Variants in REEP1 observed in about 807,000 individuals in gnomAD.
REEP1 encodes receptor accessory protein 1, also known as receptor expression-enhancing protein 1.
REEP1 carries 22 observed loss-of-function variants against 40.3 expected under a neutral mutation model. The observed-to-expected ratio is 0.55, with a 90% CI of 0.39 to 0.78. The LOEUF (loss-of-function observed/expected upper bound fraction) is 0.78, where lower values mean the gene tolerates loss of function less well. REEP1 is among the 30% of genes least tolerant of loss of function. REEP1 has a pLI of 0.00. For synonymous variants in REEP1, 116 were observed against 139.2 expected (o/e 0.83, Z 1.17); for missense variants, 280 against 361.1 (o/e 0.78, Z 1.82).
At chr2:86,309,679 TC>T (rs1252170310) in intron 1 of REEP1, among the ~76,000 whole-genome samples, 7 of 152,280 alleles carry the variant, frequency 4.6e-5, no homozygotes, top group African/African-American at 1.7e-4. Flanking sequence ...TTTGGCTGTG[TC>T]CTCACATGGT....
At chr2:86,305,651 C>T (rs1225798528) in intron 1 of REEP1, among the ~76,000 whole-genome samples, 1 of 152,100 alleles carries the variant, frequency 6.6e-6, no homozygotes, top group Non-Finnish European at 1.5e-5. Context: ...GCCCCTGGTC[C>T]CCCACTGAAG....
chr2:86,318,911 T>C (rs1680154826), intron 1 of REEP1, among the ~76,000 whole-genome samples: 1 of 152,210 alleles, frequency 6.6e-6, no homozygotes. Context: ...TTTCAACTTT[T>C]ATACAGGTTT....
chr2:86,266,400 A>G (rs922072316), intron 2 of REEP1, among the ~76,000 whole-genome samples: 2 of 151,500 alleles, frequency 1.3e-5, no homozygotes, highest in Non-Finnish European at 2.9e-5. Context: ...CGGGTGGATC[A>G]TGAGGTCAGG....
At chr2:86,251,615 G>A (rs1676277729) in intron 5 of REEP1, 9 of 362,420 alleles carry the variant, frequency 2.5e-5, no homozygotes, top group South Asian at 2.1e-4. Flanking sequence ...GCCCTCTTCT[G>A]TTTCTCCCAG....
chr2:86,310,513 T>C (rs1679710133), intron 1 of REEP1, among the ~76,000 whole-genome samples: 1 of 152,132 alleles, frequency 6.6e-6, no homozygotes, highest in Non-Finnish European at 1.5e-5. Flanking sequence ...AATCATCTAG[T>C]GACACAGTTC....
intron 5 of REEP1, among the ~76,000 whole-genome samples, chr2:86,235,889 C>G (rs1427997954): frequency 6.6e-6 from 1 of 152,140 alleles, no homozygotes; most frequent in Non-Finnish European, 1.5e-5. Flanking sequence ...AACAAATTAG[C>G]CCTTGCCCAT....
rs1676308997 is a variant in REEP1, at chr2:86,252,013, A to G, written c.361T>C (p.Phe121Leu). ...KDRSYDALVH[F>L]GKRGLNVAAT... Reference sequence around the variant, plus strand: ...GCCACGTTCAAGCCCCGCTTCCCGAAGTGCACAAGGGCATCGTAACTTCGG... The same window carrying G: ...GCCACGTTCAAGCCCCGCTTCCCGAGGTGCACAAGGGCATCGTAACTTCGG... The change falls in exon 5 of 9, where the codon TTC (phenylalanine) becomes CTC (leucine). Residue 121 changes from phenylalanine to leucine, a missense_variant. Physicochemically the swap from Phe to Leu is conservative, Grantham distance 22 (BLOSUM62 0). Coordinates refer to ENST00000538924, the MANE Select transcript of REEP1 (RefSeq NM_001371279.1). 9.3e-6 allele frequency: 15 copies of G among 1,614,032 alleles called. No individual in the cohort carries two copies. The highest frequency in any genetic ancestry group is 1.7e-5 in the Admixed American group (1 of 59,994).
At chr2:86,335,815 C>T (rs1256421120) in intron 1 of REEP1, among the ~76,000 whole-genome samples, 1 of 144,120 alleles carries the variant, frequency 6.9e-6, no homozygotes, top group South Asian at 2.3e-4. Context: ...TGCCACTGCA[C>T]TCTCCAGCCT....
chr2:86,232,859 G>C (rs914508817), intron 5 of REEP1, 57 bp from the exon 6 acceptor site: 14 of 1,540,198 alleles, frequency 9.1e-6, no homozygotes, highest in Non-Finnish European at 1.1e-5. Flanking sequence ...GGTCACACTC[G>C]ACAAAGGCCA....
intron 5 of REEP1, among the ~76,000 whole-genome samples, chr2:86,244,575 A>G (rs2104157429): frequency 6.6e-6 from 1 of 152,298 alleles, no homozygotes; most frequent in African/African-American, 2.4e-5. Flanking sequence ...CAGACCAGTA[A>G]AGAGGAAGAA....
chr2:86,303,434 G>A (rs1679348946), intron 1 of REEP1, among the ~76,000 whole-genome samples: 1 of 151,822 alleles, frequency 6.6e-6, no homozygotes, highest in Non-Finnish European at 1.5e-5. Flanking sequence ...GGCCAAGCTG[G>A]TCTCAAATTC....
chr2:86,258,529 G>A (rs976247255), intron 3 of REEP1, among the ~76,000 whole-genome samples: 2 of 152,074 alleles, frequency 1.3e-5, no homozygotes, highest in African/African-American at 4.8e-5. Context: ...GTGTAGGGGC[G>A]TGGGATGGAG....
At chr2:86,277,429 G>A (rs1332579223) in intron 2 of REEP1, among the ~76,000 whole-genome samples, 3 of 152,008 alleles carry the variant, frequency 2.0e-5, no homozygotes, top group Non-Finnish European at 2.9e-5. Context: ...GGTGCTGCAT[G>A]CCTGTAATTC....
intron 1 of REEP1, among the ~76,000 whole-genome samples, chr2:86,302,015 T>C (rs1454539226): frequency 6.6e-6 from 1 of 152,208 alleles, no homozygotes; most frequent in Non-Finnish European, 1.5e-5. Flanking sequence ...TAATTCCCCA[T>C]AGGCTTTATA....
At position 86,232,239 on chromosome 2, in the gene REEP1, G is replaced by A. The variant is rs573087438; in HGVS notation, c.595+386C>T. Among the ~76,000 whole-genome samples, 75 of 152,328 alleles carry A rather than the reference G, an allele frequency of 4.9e-4. 1 individual carries two copies. Among genetic ancestry groups the A allele is most frequent in the Non-Finnish European group, 8.2e-4 (56 of 68,024 alleles). On this transcript the variant is annotated intron_variant, in intron 6 of 8. Transcript: ENST00000538924. The stretch of plus-strand genomic sequence containing the variant: ...CCCCGGGTGAGAAGACAACACTTAG[G>A]TATCAACAGGTATGCCTCCCCGGAG...
At chr2:86,297,395 G>A (rs1679037315) in intron 1 of REEP1, among the ~76,000 whole-genome samples, 1 of 152,234 alleles carries the variant, frequency 6.6e-6, no homozygotes, top group Admixed American at 6.5e-5. Flanking sequence ...TATACGTTAT[G>A]ATACTTGAAA....
intron 1 of REEP1, among the ~76,000 whole-genome samples, chr2:86,315,719 A>C (rs1185744505): frequency 6.6e-6 from 1 of 152,166 alleles, no homozygotes; most frequent in Non-Finnish European, 1.5e-5. Context: ...AGTTGGCTTT[A>C]GTATTGGTAA....
At chr2:86,282,057 A>G in intron 2 of REEP1, 113 bp downstream of exon 2, 2 of 768,552 alleles carry the variant, frequency 2.6e-6, no homozygotes, top group South Asian at 2.7e-5. Flanking sequence ...TGATGAAGGA[A>G]CTCCTTTTCC....
chr2:86,305,845 C>T (rs1184061783), intron 1 of REEP1, among the ~76,000 whole-genome samples: 3 of 152,188 alleles, frequency 2.0e-5, no homozygotes, highest in Non-Finnish European at 4.4e-5. Flanking sequence ...ACTCGAGAAA[C>T]TTCTAACCAG....
Sources: gnomAD v4.1 joint callset for allele counts (sites outside exome capture counted in the v4.1 genomes callset) on GRCh38, gnomAD v4.1.1 for gene constraint, MANE v1.5 for transcripts, NCBI Gene and HGNC (gene_info 2026-07-23, HGNC 2026-07-21) for gene names.